The following CNGB3 variants were observed in gnomAD, a reference collection of about 807,000 sequenced individuals.
CNGB3 encodes the protein cyclic nucleotide-gated channel beta-3.
A neutral mutation model predicts 92.8 loss-of-function variants in CNGB3; 86 were observed. That is an observed-to-expected ratio of 0.93 (90% confidence interval 0.78 to 1.11). The LOEUF is 1.11. Among genes scored for constraint, CNGB3 ranks in the 50% least tolerant of loss-of-function variants. The pLI, the probability that CNGB3 is intolerant of heterozygous loss-of-function variation, is 0.00. For missense variants in CNGB3, 1,026 were observed against 956.8 expected (o/e 1.07, Z -0.95); for synonymous variants, 333 against 332.7 (o/e 1.00, Z -0.01).
intron 10 of CNGB3, among the ~76,000 whole-genome samples, chr8:86,633,934 T>C (rs1205972366): frequency 6.6e-6 from 1 of 152,164 alleles, no homozygotes; most frequent in East Asian, 1.9e-4. Flanking sequence ...GAAATTACTG[T>C]TGATTGTAAT....
chr8:86,640,725 C>A (rs1823165911), intron 10 of CNGB3, among the ~76,000 whole-genome samples: 1 of 151,808 alleles, frequency 6.6e-6, no homozygotes, highest in Non-Finnish European at 1.5e-5. Flanking sequence ...TTTTGACAAT[C>A]ATGAATCAAA....
chr8:86,660,371 G>A lies in CNGB3; in HGVS notation c.853-6309C>T, dbSNP rs994951354. 47 of 423,924 alleles carry A rather than the reference G, an allele frequency of 1.1e-4. 1 individual carries two copies. Among genetic ancestry groups the A allele is most frequent in the African/African-American group, 4.1e-4 (20 of 48,712 alleles). 26.3% of individuals were successfully genotyped at this position (423,924 alleles called of 1,614,324 possible). A position where few individuals can be genotyped will look rare whatever the true frequency, so the allele number is the denominator to read the frequency against. ...TGCTAAACACATCCAGTCATCTACC[G>A]GGCAGATGTGCAACTGATCCAGAGG... On this transcript the variant is annotated intron_variant, in intron 6 of 17. Coordinates refer to ENST00000320005, the MANE Select transcript of CNGB3 (RefSeq NM_019098.5).
rs1044170801 is a variant in CNGB3, at chr8:86,626,152, A to G, written c.1481-72T>C. The G allele has an allele frequency of 7.9e-6, 9 of 1,144,536 alleles. No individual in the cohort carries two copies. The Admixed American group carries it at 1.5e-4, about 19-fold the overall frequency. 70.9% of individuals were successfully genotyped at this position (1,144,536 alleles called of 1,614,324 possible). A position where few individuals can be genotyped will look rare whatever the true frequency, so the allele number is the denominator to read the frequency against. On this transcript the variant is annotated intron_variant, in intron 12 of 17. Transcript: ENST00000320005. Reference sequence around the variant, plus strand: ...AAATAAGTCACCAAGGTACAAGTAGAAAAATTTTTAAAATAAAGGAAACAA... The same window carrying G: ...AAATAAGTCACCAAGGTACAAGTAGGAAAATTTTTAAAATAAAGGAAACAA...
intron 14 of CNGB3, among the ~76,000 whole-genome samples, chr8:86,605,362 A>C (rs1822392785): frequency 6.6e-6 from 1 of 152,176 alleles, no homozygotes. Context: ...AGGCTGTTAA[A>C]CTCTAAATAG....
intron 10 of CNGB3, among the ~76,000 whole-genome samples, chr8:86,633,473 T>A (rs1409148078): frequency 6.6e-6 from 1 of 152,238 alleles, no homozygotes; most frequent in Non-Finnish European, 1.5e-5. Flanking sequence ...AGCTTGGGCT[T>A]CCTCATAGCA....
chr8:86,694,440 G>A (rs1340821243), intron 3 of CNGB3, among the ~76,000 whole-genome samples: 11 of 151,058 alleles, frequency 7.3e-5, no homozygotes, highest in Non-Finnish European at 1.3e-4. Flanking sequence ...GCTGCCGGGC[G>A]GAGACGCTCC....
At chr8:86,661,846 G>C (rs551098092) in intron 6 of CNGB3, 4 of 1,323,754 alleles carry the variant, frequency 3.0e-6, no homozygotes, top group Non-Finnish European at 4.3e-6. Context: ...TCTTCTGGAC[G>C]TTCCAGAACT....
intron 13 of CNGB3, among the ~76,000 whole-genome samples, chr8:86,620,563 A>G (rs889274077): frequency 6.6e-6 from 1 of 152,090 alleles, no homozygotes; most frequent in Non-Finnish European, 1.5e-5. Flanking sequence ...ACAGGTTAAT[A>G]CTTTTACATG....
chr8:86,657,880 G>A, intron 6 of CNGB3: 1 of 541,436 alleles, frequency 1.8e-6, no homozygotes, highest in South Asian at 1.4e-5. Flanking sequence ...CCTGCGGGAG[G>A]ACAGGGTTCA....
At position 86,584,605 on chromosome 8, in the gene CNGB3, C is replaced by T. The variant is rs546666350; in HGVS notation, c.1782-5353G>A. On this transcript the variant is annotated intron_variant, in intron 15 of 17. Coordinates refer to ENST00000320005, the MANE Select transcript of CNGB3 (RefSeq NM_019098.5). ...TTTTCATCTTGTCCACAAAATGCTT[C>T]TCCAGCATTCCACCCATGGAAAGTT... Among the ~76,000 whole-genome samples the T allele has an allele frequency of 1.3e-4, 19 of 151,482 alleles. No individual in the cohort carries two copies. The South Asian group carries it at 4.0e-3, about 32-fold the overall frequency.
At chr8:86,715,914 A>G (rs1271958172) in intron 3 of CNGB3, among the ~76,000 whole-genome samples, 1 of 151,620 alleles carries the variant, frequency 6.6e-6, no homozygotes, top group African/African-American at 2.4e-5. Context: ...AGCATGGCAC[A>G]TGTATACATA....
intron 6 of CNGB3, chr8:86,661,652 T>C (rs35680426): frequency 0.064 from 55,478 of 870,408 alleles, 2,000 homozygotes; most frequent in South Asian, 0.093. Flanking sequence ...ATTTAAGTAT[T>C]TTATATCTCC....
chr8:86,685,212 G>C (rs1245377110), intron 3 of CNGB3, among the ~76,000 whole-genome samples: 2 of 151,918 alleles, frequency 1.3e-5, no homozygotes, highest in East Asian at 3.9e-4. Context: ...TCATAAAAAA[G>C]GCCTCACTAA....
intron 15 of CNGB3, among the ~76,000 whole-genome samples, chr8:86,601,788 G>T (rs947791257): frequency 1.3e-5 from 2 of 152,148 alleles, no homozygotes; most frequent in Admixed American, 6.5e-5. Context: ...CAGCCAAAAA[G>T]AGAATCAAGG....
chr8:86,647,354 T>A (rs568397201), intron 8 of CNGB3, among the ~76,000 whole-genome samples: 1 of 150,996 alleles, frequency 6.6e-6, no homozygotes, highest in African/African-American at 2.4e-5. Flanking sequence ...TGTAAAAGTA[T>A]GTTTACATTT....
chr8:86,735,261 G>A (rs2131680043), intron 2 of CNGB3, among the ~76,000 whole-genome samples: 1 of 146,222 alleles, frequency 6.8e-6, no homozygotes, highest in Non-Finnish European at 1.5e-5. Flanking sequence ...TCCTGCCTCA[G>A]CCTCCCGAGT....
intron 15 of CNGB3, among the ~76,000 whole-genome samples, chr8:86,595,477 C>A (rs1023589420): frequency 6.6e-6 from 1 of 152,146 alleles, no homozygotes; most frequent in Non-Finnish European, 1.5e-5. Context: ...ATGAGGTATA[C>A]TTTTCATGCT....
At position 86,708,200 on chromosome 8, in the gene CNGB3, G is replaced by A. The variant is rs117907492; in HGVS notation, c.338+18331C>T. On this transcript the variant is annotated intron_variant, in intron 3 of 17. Coordinates refer to ENST00000320005, the MANE Select transcript of CNGB3 (RefSeq NM_019098.5). ...TAAAATCACTTGCTAAAAGAATCTA[G>A]GTAAAGAAGGGGTCTGAGGATTGTG... Among the ~76,000 whole-genome samples the A allele has an allele frequency of 4.2e-3, 637 of 152,232 alleles. 3 individuals are homozygous for A. The highest frequency in any genetic ancestry group is 0.018 in the South Asian group (88 of 4,828).
At chr8:86,646,763 C>G (rs1274640598) in intron 8 of CNGB3, among the ~76,000 whole-genome samples, 1 of 151,058 alleles carries the variant, frequency 6.6e-6, no homozygotes, top group Non-Finnish European at 1.5e-5. Context: ...TATATTGTTG[C>G]TATTGTTAAA....
Sources: gnomAD v4.1 joint callset for allele counts (sites outside exome capture counted in the v4.1 genomes callset) on GRCh38, gnomAD v4.1.1 for gene constraint, MANE v1.5 for transcripts, NCBI Gene and HGNC (gene_info 2026-07-23, HGNC 2026-07-21) for gene names.